TAFA5: variants seen among roughly 807,000 people sequenced by gnomAD.
The protein encoded by TAFA5 is TAFA chemokine like family member 5.
In TAFA5, 6 loss-of-function variants were observed where a neutral mutation model predicts 15.3. The observed-to-expected ratio is 0.39, with a 90% CI of 0.21 to 0.77. TAFA5 has a LOEUF of 0.77. Among genes scored for constraint, TAFA5 ranks in the 30% least tolerant of loss-of-function variants. The pLI is 0.41. For synonymous variants in TAFA5, 103 were observed against 80.7 expected (o/e 1.28, Z -1.48); for missense variants, 161 against 193.1 (o/e 0.83, Z 0.98).
chr22:48,614,555 C>T (rs1925528454), intron 1 of TAFA5, among the ~76,000 whole-genome samples: 1 of 152,194 alleles, frequency 6.6e-6, no homozygotes, highest in Non-Finnish European at 1.5e-5. Flanking sequence ...GTGCCCTCCC[C>T]CAGGGCTCCT....
chr22:48,581,657 G>C (rs1356835689), intron 1 of TAFA5, among the ~76,000 whole-genome samples: 1 of 152,172 alleles, frequency 6.6e-6, no homozygotes, highest in African/African-American at 2.4e-5. Flanking sequence ...TTCTTGGAAG[G>C]GTTCACTGCT....
At chr22:48,531,198 C>T (rs534738118) in intron 1 of TAFA5, among the ~76,000 whole-genome samples, 1 of 152,132 alleles carries the variant, frequency 6.6e-6, no homozygotes, top group Non-Finnish European at 1.5e-5. Context: ...CCTGGCCAAC[C>T]CTTTCGGCCT....
rs560056637 is a variant in TAFA5, at chr22:48,590,915, G to A, written c.113-55682G>A. 6.6e-5 allele frequency among the ~76,000 whole-genome samples: 10 copies of A among 151,358 alleles called. No homozygotes were observed. In the South Asian group the frequency reaches 2.1e-3, roughly 32 times the overall value. On this transcript the variant is annotated intron_variant, in intron 1 of 3. Coordinates refer to ENST00000402357, the MANE Select transcript of TAFA5 (RefSeq NM_001082967.3). ...CATCCAGGCTGGAGTGCAAAGGCAT[G>A]ATCTTGGCTCACTGCAACCTCCGCC...
rs1415773788 is a variant in TAFA5 at position 48,742,317 on chromosome 22, A to G, written c.391-7522A>G. 6.6e-6 allele frequency among the ~76,000 whole-genome samples: 1 copy of G among 152,210 alleles called. No homozygotes were observed. Among genetic ancestry groups the G allele is most frequent in the African/African-American group, 2.4e-5 (1 of 41,458 alleles). On this transcript the variant is annotated intron_variant, in intron 3 of 3. Coordinates refer to ENST00000402357, the MANE Select transcript of TAFA5 (RefSeq NM_001082967.3). This position sits in a 1 kb window ranked among gnomAD's most constrained non-coding sequence, Gnocchi z 6.2. Reference sequence around the variant, plus strand: ...GGGAAAAGAACTGACCCCCACGAGGATGGTCCTGGTGTTGAGAAACCTGCT... The same window carrying G: ...GGGAAAAGAACTGACCCCCACGAGGGTGGTCCTGGTGTTGAGAAACCTGCT...
At chr22:48,700,470 A>G (rs933077761) in intron 2 of TAFA5, among the ~76,000 whole-genome samples, 5 of 152,158 alleles carry the variant, frequency 3.3e-5, no homozygotes, top group African/African-American at 4.8e-5. Flanking sequence ...GAACGGTCTC[A>G]GGATCCAGCA....
At chr22:48,544,747 G>C (rs753044720) in intron 1 of TAFA5, 13 of 471,170 alleles carry the variant, frequency 2.8e-5, no homozygotes, top group Non-Finnish European at 5.3e-5. Context: ...GGGCTGCGGG[G>C]AGGCTGACTT....
chr22:48,513,855 C>A (rs530143547), intron 1 of TAFA5, among the ~76,000 whole-genome samples: 1 of 152,192 alleles, frequency 6.6e-6, no homozygotes, highest in African/African-American at 2.4e-5. Context: ...CCTGTCTGGG[C>A]GCTGTGGGGG....
chr22:48,597,537 A>G, intron 1 of TAFA5, among the ~76,000 whole-genome samples: 1 of 146,866 alleles, frequency 6.8e-6, no homozygotes, highest in Non-Finnish European at 1.5e-5. Context: ...TCATATGCAG[A>G]GTGTCCCAGG....
At chr22:48,651,915 A>G (rs1275339599) in intron 2 of TAFA5, among the ~76,000 whole-genome samples, 2 of 152,136 alleles carry the variant, frequency 1.3e-5, no homozygotes, top group African/African-American at 2.4e-5. Flanking sequence ...TGGCAGGGCC[A>G]TTGGACCCTG....
At chr22:48,635,848 G>C (rs1364344645) in intron 1 of TAFA5, among the ~76,000 whole-genome samples, 1 of 152,382 alleles carries the variant, frequency 6.6e-6, no homozygotes, top group South Asian at 2.1e-4. Context: ...AGTCATTGTT[G>C]TAATCGCAGC....
intron 2 of TAFA5, among the ~76,000 whole-genome samples, chr22:48,661,424 G>A (rs1056113029): frequency 3.3e-5 from 5 of 152,320 alleles, no homozygotes; most frequent in African/African-American, 1.2e-4. Flanking sequence ...AGGGGAAACT[G>A]GAGGCTCTTT....
At chr22:48,573,978 C>G (rs975067522) in intron 1 of TAFA5, among the ~76,000 whole-genome samples, 20 of 152,122 alleles carry the variant, frequency 1.3e-4, no homozygotes, top group African/African-American at 4.3e-4. Context: ...ACTGGGGAGC[C>G]CTGTGCCAGG....
At chr22:48,738,578 A>AT (rs1930096449) in intron 3 of TAFA5, among the ~76,000 whole-genome samples, 1 of 152,166 alleles carries the variant, frequency 6.6e-6, no homozygotes. Context: ...GTGAGGAGTG[A>AT]TTGCACCACA....
chr22:48,498,206 A>G (rs1601834575), intron 1 of TAFA5, among the ~76,000 whole-genome samples: 1 of 10,880 alleles, frequency 9.2e-5, no homozygotes. Flanking sequence ...TGGGGCTGCA[A>G]GCCTGGGGGC....
chr22:48,594,314 G>A (rs1000301629), intron 1 of TAFA5, among the ~76,000 whole-genome samples: 3 of 152,200 alleles, frequency 2.0e-5, no homozygotes, highest in African/African-American at 7.2e-5. Flanking sequence ...GGAGAGAAAT[G>A]GGGGGACCAG....
rs1454241651 is a variant in TAFA5 at position 48,530,846 on chromosome 22, G to A, written c.112+41142G>A. ...CCCAGTGCGTGTGGCTATGGGCTTC[G>A]ACAAAGCAGGGGAGAAATGTCCCTC... is the stretch of plus-strand genomic sequence containing the variant. On this transcript the variant is annotated intron_variant, in intron 1 of 3. Transcript: ENST00000402357. This position sits in a 1 kb window ranked among gnomAD's most constrained non-coding sequence, Gnocchi z 6.0. Among the ~76,000 whole-genome samples the A allele has an allele frequency of 6.6e-6, 1 of 152,184 alleles. No homozygotes were observed. The highest frequency in any genetic ancestry group is 1.5e-5 in the Non-Finnish European group (1 of 68,026).
chr22:48,590,303 A>C (rs1034208453), intron 1 of TAFA5, among the ~76,000 whole-genome samples: 4 of 152,206 alleles, frequency 2.6e-5, no homozygotes, highest in Non-Finnish European at 5.9e-5. Context: ...CATTGCCCAG[A>C]GCAAGGGCAC....
At chr22:48,540,107 C>T (rs370196169) in intron 1 of TAFA5, among the ~76,000 whole-genome samples, 10 of 152,178 alleles carry the variant, frequency 6.6e-5, no homozygotes, top group South Asian at 4.1e-4. Context: ...CCCCCTCACC[C>T]GCAGTGAACC....
chr22:48,689,552 C>T (rs1312810658), intron 2 of TAFA5, among the ~76,000 whole-genome samples: 1 of 152,148 alleles, frequency 6.6e-6, no homozygotes, highest in Non-Finnish European at 1.5e-5. Context: ...AAAGTGGTGA[C>T]GTGAGATGTT....
Sources: gnomAD v4.1 joint callset for allele counts (sites outside exome capture counted in the v4.1 genomes callset) on GRCh38, gnomAD v4.1.1 for gene constraint, Gnocchi (gnomAD v3.1) non-coding constraint, MANE v1.5 for transcripts, NCBI Gene and HGNC (gene_info 2026-07-23, HGNC 2026-07-21) for gene names.